The following ALG6 variants were observed in gnomAD, a reference collection of about 807,000 sequenced individuals.
ALG6 encodes dolichyl pyrophosphate Man9GlcNAc2 alpha-1,3-glucosyltransferase.
A neutral mutation model predicts 66.6 loss-of-function variants in ALG6; 46 were observed. The observed-to-expected ratio is 0.69, with a 90% CI of 0.55 to 0.88. ALG6 has a LOEUF of 0.88. Ranked by LOEUF, ALG6 falls within the 40% of genes least tolerant of loss-of-function variation. ALG6 has a pLI of 0.00. For missense variants in ALG6, 505 were observed against 586.8 expected, an observed-to-expected ratio of 0.86 and a Z score of 1.44; for synonymous variants, 185 against 203.7, an observed-to-expected ratio of 0.91 and a Z score of 0.78.
rs746894601 is a variant in ALG6, at chr1:63,418,867, AT to A, written c.988-502del. Among the ~76,000 whole-genome samples, 388 of 152,380 alleles carry A rather than the reference AT, an allele frequency of 2.5e-3. 4 individuals carry two copies. Among genetic ancestry groups the A allele is most frequent in the Non-Finnish European group, 3.2e-3 (216 of 68,042 alleles). The stretch of plus-strand genomic sequence containing the variant: ...TGCTTGAGCAACTGGATAGTTATCC[AT>A]ATCTAATTTGCAGAATATAAACTTC... On this transcript the variant is annotated intron_variant, in intron 11 of 14. Transcript: ENST00000263440.
chr1:63,376,012 G>A (rs890188453), intron 2 of ALG6, among the ~76,000 whole-genome samples: 1 of 150,884 alleles, frequency 6.6e-6, no homozygotes, highest in Middle Eastern at 3.2e-3. Flanking sequence ...TCTTATTAGG[G>A]GTTTATTAAT....
intron 2 of ALG6, among the ~76,000 whole-genome samples, chr1:63,383,151 C>T (rs1262270234): frequency 6.6e-6 from 1 of 151,644 alleles, no homozygotes; most frequent in Non-Finnish European, 1.5e-5. Flanking sequence ...GCTCCATTGC[C>T]CTGTGCTCCA....
chr1:63,403,682 T>A (rs890869071), intron 4 of ALG6, among the ~76,000 whole-genome samples: 1 of 63,210 alleles, frequency 1.6e-5, no homozygotes, highest in East Asian at 7.3e-4. Flanking sequence ...TGGTATAGCC[T>A]ACTATATCTA....
rs372813720 is a variant in ALG6 at position 63,386,412 on chromosome 1, A to G, written c.83-10101A>G. On this transcript the variant is annotated intron_variant, in intron 2 of 14. Coordinates refer to ENST00000263440, the MANE Select transcript of ALG6 (RefSeq NM_013339.4). The stretch of plus-strand genomic sequence containing the variant: ...TATTAGGATTTTTCTTTAAATGTTT[A>G]GTGAAATTCAACAGTGATGCCATCA... Among the ~76,000 whole-genome samples, 9 of 152,228 alleles carry G rather than the reference A, an allele frequency of 5.9e-5. No homozygotes were observed. The South Asian group carries it at 1.2e-3, about 21-fold the overall frequency.
chr1:63,396,733 C>A, intron 3 of ALG6, 136 bp downstream of exon 3: 1 of 785,798 alleles, frequency 1.3e-6, no homozygotes, highest in Non-Finnish European at 2.1e-6. Flanking sequence ...ATATGTATTG[C>A]CTTGCATTTT....
intron 13 of ALG6, 39 bp downstream of exon 13, chr1:63,428,840 C>A (rs781239450): frequency 6.3e-7 from 1 of 1,583,678 alleles, no homozygotes; most frequent in Non-Finnish European, 8.7e-7. Flanking sequence ...CAGTATAATT[C>A]TTGTAAACTA....
chr1:63,369,921 C>T (rs369518544), intron 1 of ALG6, among the ~76,000 whole-genome samples: 35 of 151,972 alleles, frequency 2.3e-4, no homozygotes, highest in African/African-American at 8.0e-4. Context: ...TGGGTTGAAG[C>T]GATTCTCCTG....
intron 12 of ALG6, among the ~76,000 whole-genome samples, chr1:63,422,895 C>T (rs72916670): frequency 0.36 from 54,463 of 151,628 alleles, 10,004 homozygotes; most frequent in East Asian, 0.48. Flanking sequence ...GTGGAGGTTG[C>T]GGTGAGCCAA....
rs1444984936 is a variant in ALG6, at chr1:63,400,207, ATATATATATATATACGT to A, written c.168-2046_168-2030del. On this transcript the variant is annotated intron_variant, in intron 3 of 14. Transcript: ENST00000263440. ...AAAACTCTGTCTCAAAAAAAAAAAA[ATATATATATATATACGT>A]ATATATATATATATATATACGTATA... 1.7e-4 allele frequency among the ~76,000 whole-genome samples: 5 copies of A among 29,522 alleles called. 1 individual carries two copies. Among genetic ancestry groups the A allele is most frequent in the African/African-American group, 9.9e-4 (5 of 5,034 alleles). The allele number at this position is 29,522 out of a possible 152,430, so 19.4% of individuals were successfully genotyped here.
intron 2 of ALG6, among the ~76,000 whole-genome samples, chr1:63,393,931 GAGA>G (rs1648744818): frequency 6.7e-6 from 1 of 149,140 alleles, no homozygotes; most frequent in African/African-American, 2.6e-5. Context: ...GAGAGATAGA[GAGA>G]CAGAGACCCA....
intron 1 of ALG6, among the ~76,000 whole-genome samples, chr1:63,370,370 A>G (rs1259377994): frequency 1.3e-5 from 2 of 152,242 alleles, no homozygotes; most frequent in African/African-American, 4.8e-5. Context: ...CTAAATACAA[A>G]GACAAGATTC....
chr1:63,419,356 C>A lies in ALG6; in HGVS notation c.988-14C>A, dbSNP rs778293076. The A allele has an allele frequency of 1.2e-6, 2 of 1,600,468 alleles. No individual in the cohort carries two copies. The highest frequency in any genetic ancestry group is 4.5e-5 in the East Asian group (2 of 44,546). ...AAGTTGTTATATCTCATTTCCCCCC[C>A]TTTTTTCTTAAAGGTTAGCTGTGCG... On this transcript the variant is annotated splice_polypyrimidine_tract_variant and intron_variant, in intron 11 of 14. Transcript: ENST00000263440.
chr1:63,427,952 A>T (rs774795174), intron 12 of ALG6, among the ~76,000 whole-genome samples: 1 of 151,806 alleles, frequency 6.6e-6, no homozygotes, highest in South Asian at 2.1e-4. Flanking sequence ...GATTACAGGC[A>T]CGCACCACCA....
At chr1:63,390,041 C>T (rs1222738639) in intron 2 of ALG6, among the ~76,000 whole-genome samples, 1 of 152,224 alleles carries the variant, frequency 6.6e-6, no homozygotes, top group Admixed American at 6.5e-5. Context: ...GAAGCTAGCA[C>T]AGCACTGGGT....
intron 2 of ALG6, among the ~76,000 whole-genome samples, chr1:63,375,676 G>A (rs1209319913): frequency 1.3e-5 from 2 of 152,084 alleles, no homozygotes; most frequent in African/African-American, 4.8e-5. Flanking sequence ...TAGTATGTAA[G>A]CTTGGAATTG....
intron 14 of ALG6, among the ~76,000 whole-genome samples, chr1:63,432,813 C>T (rs183272096): frequency 8.5e-5 from 13 of 152,182 alleles, no homozygotes; most frequent in Admixed American, 3.3e-4. Flanking sequence ...GTTGCCTAGG[C>T]GGGAGTGCGG....
intron 2 of ALG6, among the ~76,000 whole-genome samples, chr1:63,387,025 C>T (rs1557582841): frequency 6.6e-6 from 1 of 152,012 alleles, no homozygotes; most frequent in Non-Finnish European, 1.5e-5. Context: ...AAATTTTCTT[C>T]TTAATTTCTT....
intron 7 of ALG6, among the ~76,000 whole-genome samples, chr1:63,407,385 T>A (rs1644494044): frequency 6.6e-6 from 1 of 152,106 alleles, no homozygotes; most frequent in African/African-American, 2.4e-5. Flanking sequence ...TTCTGGGGTG[T>A]TGGAAAAAGA....
At chr1:63,384,819 C>G (rs1648448658) in intron 2 of ALG6, among the ~76,000 whole-genome samples, 1 of 152,066 alleles carries the variant, frequency 6.6e-6, no homozygotes, top group Non-Finnish European at 1.5e-5. Context: ...GTTCTCTATT[C>G]TGTTCCATGG....
Sources: gnomAD v4.1 joint callset for allele counts (sites outside exome capture counted in the v4.1 genomes callset) on GRCh38, gnomAD v4.1.1 for gene constraint, MANE v1.5 for transcripts, NCBI Gene and HGNC (gene_info 2026-07-23, HGNC 2026-07-21) for gene names.